Variants in SLC35A5 observed in about 807,000 individuals in gnomAD.
SLC35A5 encodes the protein solute carrier family 35 member A5.
In SLC35A5, 28 loss-of-function variants were observed where a neutral mutation model predicts 36.3. The observed-to-expected ratio is 0.77, with a 90% CI of 0.57 to 1.06. SLC35A5 has a LOEUF of 1.06. Ranked by LOEUF, SLC35A5 falls within the 50% of genes least tolerant of loss-of-function variation. The pLI is 0.00. For synonymous variants in SLC35A5, 180 were observed against 173.7 expected (o/e 1.04, Z -0.29); for missense variants, 521 against 499.3 (o/e 1.04, Z -0.41).
rs1935108597 is a variant in SLC35A5, at chr3:112,585,416, A to C, written c.*2680A>C. ...CCTAATCATATCAGATGGGAAGGAC[A>C]TGAGGGTTGACAAAATATGTATTGG... On this transcript the variant is annotated 3_prime_UTR_variant, in exon 7 of 7. Transcript: ENST00000492406. 1 of 152,136 alleles carries C rather than the reference A, an allele frequency of 6.6e-6. No individual in the cohort carries two copies. Among genetic ancestry groups the C allele is most frequent in the Non-Finnish European group, 1.5e-5 (1 of 68,026 alleles). The allele number at this position is 152,136 out of a possible 1,614,324, so 9.4% of individuals were successfully genotyped here. A position where few individuals can be genotyped will look rare whatever the true frequency, so the allele number is the denominator to read the frequency against.
intron 5 of SLC35A5, among the ~76,000 whole-genome samples, chr3:112,579,767 C>T (rs1280752706): frequency 6.6e-6 from 1 of 152,176 alleles, no homozygotes; most frequent in Non-Finnish European, 1.5e-5. Flanking sequence ...ACTGTTAAAG[C>T]ATAAATTCCT....
chr3:112,563,578 A>C (rs747069663), intron 2 of SLC35A5, 45 bp downstream of exon 2: 1 of 1,500,720 alleles, frequency 6.7e-7, no homozygotes, highest in East Asian at 2.4e-5. Flanking sequence ...CCATCTAATC[A>C]CACATCTCTC....
At chr3:112,572,383 A>G (rs1252566565) in intron 4 of SLC35A5, among the ~76,000 whole-genome samples, 2 of 152,172 alleles carry the variant, frequency 1.3e-5, no homozygotes, top group African/African-American at 4.8e-5. Context: ...GATCACCTGA[A>G]GTTTTCTTTG....
At chr3:112,570,746 A>C in intron 4 of SLC35A5, 76 bp downstream of exon 4, 18 of 1,352,326 alleles carry the variant, frequency 1.3e-5, no homozygotes, top group Non-Finnish European at 1.8e-5. Flanking sequence ...TTTTTTTATC[A>C]TTTTTGTTGG....
In SLC35A5 at chr3:112,584,442, A is replaced by G. The variant is rs550888883; in HGVS notation, c.*1706A>G. On this transcript the variant is annotated 3_prime_UTR_variant, in exon 7 of 7. Coordinates refer to ENST00000492406, the MANE Select transcript of SLC35A5 (RefSeq NM_017945.5). ...CATAAAACATAAAAATTACAAAAAT[A>G]TTCTTACAAAGGTATCACATACAGA... is the stretch of plus-strand genomic sequence containing the variant. The G allele has an allele frequency of 9.4e-4, 143 of 152,342 alleles. No individual in the cohort carries two copies. The highest frequency in any genetic ancestry group is 3.2e-3 in the African/African-American group (135 of 41,584). The allele number at this position is 152,342 out of a possible 1,614,324, so 9.4% of individuals were successfully genotyped here.
intron 4 of SLC35A5, among the ~76,000 whole-genome samples, chr3:112,571,669 G>A (rs1934443515): frequency 6.6e-6 from 1 of 152,178 alleles, no homozygotes; most frequent in Admixed American, 6.5e-5. Context: ...CGAAAGAGGA[G>A]CAAAGTCATG....
At chr3:112,561,433 C>T (rs1366320852), upstream of SLC35A5, 1 of 1,611,114 alleles carries the variant, frequency 6.2e-7, no homozygotes, top group African/African-American at 1.3e-5. Flanking sequence ...CCTGACAGCT[C>T]CCGGCAACCC....
At chr3:112,571,931 T>TG (rs1158632979) in intron 4 of SLC35A5, among the ~76,000 whole-genome samples, 2 of 121,230 alleles carry the variant, frequency 1.6e-5, no homozygotes, top group East Asian at 4.6e-4. Flanking sequence ...CAGTTTTTTT[T>TG]TTTTTTTTTT....
intron 5 of SLC35A5, among the ~76,000 whole-genome samples, chr3:112,575,633 T>C (rs1217678212): frequency 6.6e-6 from 1 of 152,160 alleles, no homozygotes. Flanking sequence ...TTCAGAGGAA[T>C]AATAATGATT....
At chr3:112,562,495 A>G (rs950400717) in intron 1 of SLC35A5, among the ~76,000 whole-genome samples, 1 of 152,212 alleles carries the variant, frequency 6.6e-6, no homozygotes, top group Non-Finnish European at 1.5e-5. Context: ...CTATTCCTAC[A>G]GTACGCTGGG....
intron 4 of SLC35A5, 47 bp downstream of exon 4, chr3:112,570,717 A>G (rs774116123): frequency 4.0e-6 from 6 of 1,486,690 alleles, no homozygotes; most frequent in Admixed American, 2.6e-5. Flanking sequence ...ATACAGAGAA[A>G]TAAATCCCAG....
At chr3:112,561,568 A>G, upstream of SLC35A5, 1 of 1,594,230 alleles carries the variant, frequency 6.3e-7, no homozygotes, top group South Asian at 1.1e-5. Context: ...GACGGGATGG[A>G]AAGTGCAGCC....
rs1934992705 is a variant in SLC35A5 at position 112,582,817 on chromosome 3, A to G, written c.*81A>G. 2 of 1,184,504 alleles carry G rather than the reference A, an allele frequency of 1.7e-6. No individual in the cohort carries two copies. The highest frequency in any genetic ancestry group is 2.5e-6 in the Non-Finnish European group (2 of 805,886). 73.4% of individuals were successfully genotyped at this position (1,184,504 alleles called of 1,614,324 possible). On this transcript the variant is annotated 3_prime_UTR_variant, in exon 7 of 7. Transcript: ENST00000492406. ...TTGTAATATTTATCTTTTCACTTTG[A>G]TAAACCAGAAATGTTTCTAAATCCT...
chr3:112,582,602 A>G lies in SLC35A5; in HGVS notation c.1210-69A>G, dbSNP rs992001827. The G allele has an allele frequency of 1.3e-3, 325 of 251,242 alleles. 4 individuals are homozygous for G. Among genetic ancestry groups the G allele is most frequent in the Non-Finnish European group, 2.5e-4 (39 of 153,430 alleles). 15.6% of individuals were successfully genotyped at this position (251,242 alleles called of 1,614,324 possible). ...GAGGTAAGACCAGTGATTTGTTAGT[A>G]AGGTTTTCCCTTTAAAAATGCTACA... On this transcript the variant is annotated intron_variant, in intron 6 of 6. Coordinates refer to ENST00000492406, the MANE Select transcript of SLC35A5 (RefSeq NM_017945.5).
chr3:112,580,692 G>GC lies in SLC35A5; in HGVS notation c.577dup (p.Leu193ProfsTer6), dbSNP rs1559864054. The stretch of plus-strand genomic sequence containing the variant: ...GCCTTTTTCAGCCCTTCCAATTCCT[G>GC]CCTTCTTTTCAGAAGTGAGTGTCCC... On this transcript the variant is annotated frameshift_variant, in exon 6 of 7. Coordinates refer to ENST00000492406, the MANE Select transcript of SLC35A5 (RefSeq NM_017945.5). LOFTEE classifies it high-confidence loss of function. 1 of 1,614,080 alleles carries GC rather than the reference G, an allele frequency of 6.2e-7. No homozygotes were observed.
chr3:112,574,352 C>A (rs1934579707), intron 5 of SLC35A5, among the ~76,000 whole-genome samples: 1 of 152,060 alleles, frequency 6.6e-6, no homozygotes, highest in Non-Finnish European at 1.5e-5. Context: ...TAGATAATGG[C>A]CAATTTTTTA....
At chr3:112,566,895 G>A (rs1406909335) in intron 2 of SLC35A5, among the ~76,000 whole-genome samples, 1 of 152,192 alleles carries the variant, frequency 6.6e-6, no homozygotes. Context: ...GAGCATGTTT[G>A]TAGGCCAAGG....
At chr3:112,567,921 AG>A (rs2107420044) in intron 2 of SLC35A5, among the ~76,000 whole-genome samples, 1 of 152,338 alleles carries the variant, frequency 6.6e-6, no homozygotes, top group African/African-American at 2.4e-5. Context: ...GTATCATTGG[AG>A]GATAACAGAG....
At chr3:112,567,919 G>A (rs1311138279) in intron 2 of SLC35A5, among the ~76,000 whole-genome samples, 3 of 152,228 alleles carry the variant, frequency 2.0e-5, no homozygotes, top group Non-Finnish European at 4.4e-5. Flanking sequence ...AAGTATCATT[G>A]GAGGATAACA....
Sources: allele counts gnomAD v4.1 joint callset (sites outside exome capture counted in the v4.1 genomes callset), GRCh38; gene constraint gnomAD v4.1.1; transcripts MANE v1.5; gene names NCBI Gene and HGNC (gene_info 2026-07-23, HGNC 2026-07-21).